The following NUBPL variants were observed in gnomAD, a reference collection of about 807,000 sequenced individuals.
NUBPL encodes iron-sulfur cluster transfer protein NUBPL.
A neutral mutation model predicts 45.7 loss-of-function variants in NUBPL; 31 were observed. The ratio of observed to expected loss-of-function variants is 0.68; its 90% CI spans 0.51 to 0.92. The LOEUF (loss-of-function observed/expected upper bound fraction) is 0.92. Among genes scored for constraint, NUBPL ranks in the 40% least tolerant of loss-of-function variants. NUBPL has a pLI of 0.00. For synonymous variants in NUBPL, 144 were observed against 140.9 expected (o/e 1.02, Z -0.15); for missense variants, 401 against 398.7 (o/e 1.01, Z -0.05).
intron 3 of NUBPL, among the ~76,000 whole-genome samples, chr14:31,572,366 C>T (rs1361365595): frequency 6.6e-6 from 1 of 151,914 alleles, no homozygotes; most frequent in East Asian, 1.9e-4. Flanking sequence ...GTCTTGATCT[C>T]CTGACCTCAT....
chr14:31,856,689 A>T (rs1216032053), intron 10 of NUBPL, among the ~76,000 whole-genome samples: 1 of 152,220 alleles, frequency 6.6e-6, no homozygotes, highest in Non-Finnish European at 1.5e-5. Flanking sequence ...TACAGGCCCC[A>T]TGCAAGTCTG....
At position 31,747,022 on chromosome 14, in the gene NUBPL, A is replaced by G. The variant is rs1033024085; in HGVS notation, c.514-40758A>G. ...GAGGCAAAGATTGCAGTGAGCTGAG[A>G]TTGTGCCACTGTACTTCAGCCTGGG... On this transcript the variant is annotated intron_variant, in intron 6 of 10. Transcript: ENST00000281081. Among the ~76,000 whole-genome samples the G allele has an allele frequency of 6.5e-5, 9 of 138,296 alleles. 1 individual carries two copies. The Middle Eastern group carries it at 0.011, about 173-fold the overall frequency. 90.7% of individuals were successfully genotyped at this position (138,296 alleles called of 152,430 possible).
chr14:31,630,892 C>T (rs1374921703), intron 4 of NUBPL, among the ~76,000 whole-genome samples: 1 of 152,144 alleles, frequency 6.6e-6, no homozygotes. Context: ...TAATTTTTCT[C>T]ATTCATGTGA....
chr14:31,751,010 T>C lies in NUBPL; in HGVS notation c.514-36770T>C, dbSNP rs187776353. Among the ~76,000 whole-genome samples the C allele has an allele frequency of 2.3e-3, 353 of 152,226 alleles. 1 individual carries two copies. The highest frequency in any genetic ancestry group is 8.1e-3 in the African/African-American group (337 of 41,530). ...AGAGAGAGAGTGAAGAGGGAAGTAC[T>C]ACTTTTAAACCATCAGATTTCATGA... On this transcript the variant is annotated intron_variant, in intron 6 of 10. Coordinates refer to ENST00000281081, the MANE Select transcript of NUBPL (RefSeq NM_025152.3).
At chr14:31,705,790 T>A (rs956097700) in intron 6 of NUBPL, among the ~76,000 whole-genome samples, 7 of 152,142 alleles carry the variant, frequency 4.6e-5, no homozygotes, top group Non-Finnish European at 8.8e-5. Flanking sequence ...TCAATGGCAG[T>A]CGCCGTGGGA....
At chr14:31,844,803 T>C (rs2040427740) in intron 8 of NUBPL, 1 of 152,206 alleles carries the variant, frequency 6.6e-6, no homozygotes, top group Non-Finnish European at 1.5e-5. Context: ...GTTCTGCATT[T>C]TTATTGTAAT....
chr14:31,696,384 T>C (rs2037215016), intron 6 of NUBPL, among the ~76,000 whole-genome samples: 3 of 152,216 alleles, frequency 2.0e-5, no homozygotes, highest in South Asian at 4.1e-4. Context: ...ATGTCATCTC[T>C]TGTTCTCCCA....
chr14:31,619,100 C>T (rs1257450635), intron 4 of NUBPL, among the ~76,000 whole-genome samples: 9 of 152,166 alleles, frequency 5.9e-5, no homozygotes, highest in East Asian at 1.9e-4. Context: ...AGACTAGGAT[C>T]GCAACCCATG....
At chr14:31,642,566 C>G (rs150587894) in intron 4 of NUBPL, among the ~76,000 whole-genome samples, 1 of 151,914 alleles carries the variant, frequency 6.6e-6, no homozygotes, top group African/African-American at 2.4e-5. Context: ...TATGCCAGTA[C>G]TATATTGTTT....
intron 4 of NUBPL, among the ~76,000 whole-genome samples, chr14:31,636,806 GGTTT>G (rs1283214786): frequency 6.6e-6 from 1 of 152,028 alleles, no homozygotes; most frequent in Non-Finnish European, 1.5e-5. Flanking sequence ...ACTTCTTCCT[GGTTT>G]AGTCTTGGGA....
intron 6 of NUBPL, among the ~76,000 whole-genome samples, chr14:31,725,206 C>A (rs1186301553): frequency 6.6e-6 from 1 of 151,882 alleles, no homozygotes; most frequent in Non-Finnish European, 1.5e-5. Flanking sequence ...GTAGGTAGAC[C>A]AATTAAGAGT....
chr14:31,793,884 C>G (rs1281328081), intron 7 of NUBPL, among the ~76,000 whole-genome samples: 11 of 83,762 alleles, frequency 1.3e-4, no homozygotes, highest in Non-Finnish European at 2.3e-4. Context: ...TCCCCCCTCC[C>G]CCGACCCCAC....
At chr14:31,627,937 T>C (rs903748212) in intron 4 of NUBPL, among the ~76,000 whole-genome samples, 1 of 152,200 alleles carries the variant, frequency 6.6e-6, no homozygotes, top group African/African-American at 2.4e-5. Flanking sequence ...GAAAAATAAC[T>C]ATTTTCTGAA....
intron 9 of NUBPL, 53 bp downstream of exon 9, chr14:31,846,644 G>A: frequency 6.2e-7 from 1 of 1,602,550 alleles, no homozygotes. Context: ...AGAAAGTGGG[G>A]ATGAGGCTTG....
chr14:31,604,818 G>A (rs758050476), intron 4 of NUBPL, among the ~76,000 whole-genome samples: 1 of 152,168 alleles, frequency 6.6e-6, no homozygotes, highest in South Asian at 2.1e-4. Context: ...TTCAGTAATT[G>A]AAGATTTTAA....
intron 6 of NUBPL, among the ~76,000 whole-genome samples, chr14:31,729,516 T>G (rs1461628448): frequency 1.3e-5 from 2 of 152,138 alleles, no homozygotes; most frequent in East Asian, 3.8e-4. Flanking sequence ...GTACAAATTT[T>G]TAATGTTTAT....
At chr14:31,637,155 T>A (rs4553508) in intron 4 of NUBPL, among the ~76,000 whole-genome samples, 23,969 of 151,858 alleles carry the variant, frequency 0.16, 5,392 homozygotes, top group African/African-American at 0.5. Flanking sequence ...TGCTCTTGCT[T>A]TTCTAGTTCT....
chr14:31,596,322 A>T (rs748083725), intron 3 of NUBPL, among the ~76,000 whole-genome samples: 4 of 152,202 alleles, frequency 2.6e-5, no homozygotes, highest in Non-Finnish European at 5.9e-5. Flanking sequence ...TAAGGATGAG[A>T]GAGTAAATCT....
chr14:31,724,951 G>A (rs1364570784), intron 6 of NUBPL, among the ~76,000 whole-genome samples: 2 of 151,988 alleles, frequency 1.3e-5, no homozygotes, highest in African/African-American at 2.4e-5. Flanking sequence ...GTATTTGGAG[G>A]AAGAACATAC....
Sources: allele counts gnomAD v4.1 joint callset (sites outside exome capture counted in the v4.1 genomes callset), GRCh38; gene constraint gnomAD v4.1.1; transcripts MANE v1.5; gene names NCBI Gene and HGNC (gene_info 2026-07-23, HGNC 2026-07-21).